CDK14: variants seen among roughly 807,000 people sequenced by gnomAD.
CDK14 encodes the protein cyclin dependent kinase 14.
CDK14 carries 34 observed loss-of-function variants against 60.7 expected under a neutral mutation model. The observed-to-expected ratio is 0.56, with a 90% CI of 0.43 to 0.75. The LOEUF is 0.75. Among genes scored for constraint, CDK14 ranks in the 30% least tolerant of loss-of-function variants. The pLI, the probability that CDK14 is intolerant of heterozygous loss-of-function variation, is 0.00. For missense variants in CDK14, 482 were observed against 564.1 expected (o/e 0.85, Z 1.47); for synonymous variants, 197 against 203.7 (o/e 0.97, Z 0.28).
At chr7:91,066,654 A>G (rs527665687) in intron 11 of CDK14, among the ~76,000 whole-genome samples, 1 of 152,208 alleles carries the variant, frequency 6.6e-6, no homozygotes, top group African/African-American at 2.4e-5. Context: ...TAGTGCCTCA[A>G]GACATTTCAG....
chr7:90,796,272 A>G (rs551489281), intron 5 of CDK14, among the ~76,000 whole-genome samples: 6 of 152,310 alleles, frequency 3.9e-5, no homozygotes, highest in Non-Finnish European at 7.3e-5. Context: ...TCAATTAGAA[A>G]AAGAAGAAAC....
At chr7:91,010,838 TCCCTCCCTC>T (rs1562867340) in intron 10 of CDK14, among the ~76,000 whole-genome samples, 89 of 103,708 alleles carry the variant, frequency 8.6e-4, no homozygotes, top group Non-Finnish European at 1.3e-3. Flanking sequence ...CCTTCCTCCC[TCCCTCCCTC>T]CCTCCCTCCC....
chr7:90,651,840 G>C (rs996973287), intron 2 of CDK14, among the ~76,000 whole-genome samples: 1 of 151,942 alleles, frequency 6.6e-6, no homozygotes, highest in Non-Finnish European at 1.5e-5. Flanking sequence ...AGTCCGCAGT[G>C]GTCCTAGACA....
At chr7:90,763,908 A>G (rs56903007) in intron 4 of CDK14, among the ~76,000 whole-genome samples, 10,476 of 152,100 alleles carry the variant, frequency 0.069, 486 homozygotes, top group South Asian at 0.11. Context: ...TATGCTTGTC[A>G]TTTTCATGAT....
Position 90,746,318 on chromosome 7 carries a change from A to T in CDK14, c.370-1363A>T, listed in dbSNP as rs142475582. Among the ~76,000 whole-genome samples the T allele has an allele frequency of 4.9e-3, 743 of 152,326 alleles. 3 individuals carry two copies. The highest frequency in any genetic ancestry group is 0.016 in the African/African-American group (671 of 41,568). ...GGCGGGAAGAAAGTAAGAAACATGT[A>T]TTCAACTGGCCACATAAAATCCCAA... On this transcript the variant is annotated intron_variant, in intron 3 of 14. Coordinates refer to ENST00000380050, the MANE Select transcript of CDK14 (RefSeq NM_001287135.2).
chr7:90,696,962 A>G (rs975778080), intron 2 of CDK14, among the ~76,000 whole-genome samples: 4 of 152,304 alleles, frequency 2.6e-5, no homozygotes, highest in Admixed American at 2.0e-4. Context: ...TGCTGCTGAG[A>G]GGTTCAGATG....
intron 2 of CDK14, among the ~76,000 whole-genome samples, chr7:90,629,690 G>A (rs1017180146): frequency 2.0e-5 from 3 of 152,134 alleles, no homozygotes; most frequent in Non-Finnish European, 4.4e-5. Context: ...GTCCATGTTG[G>A]AGATTCAATT....
At chr7:90,984,665 A>G (rs1562856738) in intron 10 of CDK14, among the ~76,000 whole-genome samples, 1 of 152,170 alleles carries the variant, frequency 6.6e-6, no homozygotes, top group Non-Finnish European at 1.5e-5. Context: ...TACAGTGGAG[A>G]CACCAGTTAA....
chr7:90,604,138 G>GT (rs545278529), intron 1 of CDK14, 80 bp from the exon 2 acceptor site: 6,859 of 857,986 alleles, frequency 8.0e-3, no homozygotes, highest in Non-Finnish European at 9.3e-3. Flanking sequence ...ATACTGCCTT[G>GT]TTTTTTTTTC....
At chr7:91,142,832 A>G (rs1456057739) in intron 14 of CDK14, among the ~76,000 whole-genome samples, 2 of 152,228 alleles carry the variant, frequency 1.3e-5, no homozygotes, top group Non-Finnish European at 2.9e-5. Flanking sequence ...CTCCTTGAAA[A>G]TAAGTGACCC....
intron 5 of CDK14, among the ~76,000 whole-genome samples, chr7:90,800,319 A>G (rs1417036050): frequency 6.6e-6 from 1 of 152,212 alleles, no homozygotes; most frequent in Admixed American, 6.5e-5. Flanking sequence ...ATTTGGAATT[A>G]GTTAACCTGC....
chr7:90,841,995 T>G (rs1286674544), intron 5 of CDK14, among the ~76,000 whole-genome samples: 1 of 152,044 alleles, frequency 6.6e-6, no homozygotes, highest in Non-Finnish European at 1.5e-5. Flanking sequence ...AAAATAATCA[T>G]AACACCTTGG....
In CDK14 at chr7:90,674,025, A is replaced by C. The variant is rs534239597; in HGVS notation, c.124-52542A>C. Among the ~76,000 whole-genome samples the C allele has an allele frequency of 2.6e-5, 4 of 152,340 alleles. No homozygotes were observed. The East Asian group carries it at 7.7e-4, about 29-fold the overall frequency. On this transcript the variant is annotated intron_variant, in intron 2 of 14. Coordinates refer to ENST00000380050, the MANE Select transcript of CDK14 (RefSeq NM_001287135.2). ...TTGGGATGAATGTATTATTATGGAA[A>C]CACTATTTGACGTTTGGGAGCTTAA...
intron 2 of CDK14, among the ~76,000 whole-genome samples, chr7:90,650,567 CTTCTAGGGTTTT>C (rs1800611663): frequency 6.6e-6 from 1 of 152,152 alleles, no homozygotes; most frequent in Admixed American, 6.5e-5. Flanking sequence ...CCTAGGTTTT[CTTCTAGGGTTTT>C]TATGGTTTTA....
chr7:91,062,161 C>G (rs144896012), intron 11 of CDK14, among the ~76,000 whole-genome samples: 4 of 152,134 alleles, frequency 2.6e-5, no homozygotes, highest in African/African-American at 9.7e-5. Context: ...GCTGTGCTAG[C>G]AATGACCGAG....
chr7:91,025,171 T>G (rs1796537580), intron 10 of CDK14, among the ~76,000 whole-genome samples: 1 of 152,156 alleles, frequency 6.6e-6, no homozygotes, highest in Admixed American at 6.5e-5. Flanking sequence ...CATACATTAA[T>G]AAAAGATTCA....
chr7:90,908,527 G>A (rs1792785750), intron 7 of CDK14, among the ~76,000 whole-genome samples: 1 of 152,126 alleles, frequency 6.6e-6, no homozygotes, highest in Admixed American at 6.6e-5. Flanking sequence ...ATTAAGAATA[G>A]GGGAAACACC....
At chr7:91,206,995 T>A (rs979755845) in intron 14 of CDK14, among the ~76,000 whole-genome samples, 170 bp from the exon 15 acceptor site, 4 of 151,922 alleles carry the variant, frequency 2.6e-5, no homozygotes, top group Admixed American at 6.6e-5. Context: ...TTAGAAGGAT[T>A]TTTTTTTGGT....
At chr7:90,774,186 G>A (rs562481588) in intron 4 of CDK14, among the ~76,000 whole-genome samples, 14 of 152,188 alleles carry the variant, frequency 9.2e-5, no homozygotes, top group African/African-American at 2.6e-4. Flanking sequence ...TTACAGGTGT[G>A]AGCCACTACG....
Sources: allele counts gnomAD v4.1 joint callset (sites outside exome capture counted in the v4.1 genomes callset), GRCh38; gene constraint gnomAD v4.1.1; transcripts MANE v1.5; gene names NCBI Gene and HGNC (gene_info 2026-07-23, HGNC 2026-07-21).